Variants in CD244 observed in about 807,000 individuals in gnomAD.
CD244 encodes the protein natural killer cell receptor 2B4.
A neutral mutation model predicts 45.5 loss-of-function variants in CD244; 20 were observed. The ratio of observed to expected loss-of-function variants is 0.44; its 90% confidence interval spans 0.31 to 0.64. The LOEUF (loss-of-function observed/expected upper bound fraction) is 0.64. CD244 is among the 30% of genes least tolerant of loss of function. The probability of loss-of-function intolerance (pLI) is 0.08; values close to 1 mark genes in which losing one functional copy is unlikely to be tolerated. For missense variants in CD244, 407 were observed against 426.9 expected, an observed-to-expected ratio of 0.95 and a Z score of 0.41; for synonymous variants, 185 against 160.5, an observed-to-expected ratio of 1.15 and a Z score of -1.15.
At chr1:160,836,759 C>T in intron 5 of CD244, among the ~76,000 whole-genome samples, 1 of 152,268 alleles carries the variant, frequency 6.6e-6, no homozygotes. Flanking sequence ...AGCAGAGCTT[C>T]CTGCTTCCCT....
intron 1 of CD244, among the ~76,000 whole-genome samples, chr1:160,850,509 A>T (rs79975970): frequency 0.015 from 2,229 of 152,354 alleles, 47 homozygotes; most frequent in East Asian, 0.051. Flanking sequence ...GACATAGAAT[A>T]GCCAAGGCAA....
At position 160,832,499 on chromosome 1, in the gene CD244, GA is replaced by G; in HGVS notation, c.1017+19del. The G allele has an allele frequency of 6.6e-7, 1 of 1,507,488 alleles. No individual in the cohort carries two copies. The highest frequency in any genetic ancestry group is 9.1e-7 in the Non-Finnish European group (1 of 1,095,834). The allele number at this position is 1,507,488 out of a possible 1,614,324, so 93.4% of individuals were successfully genotyped here. On this transcript the variant is annotated intron_variant, in intron 8 of 8. Transcript: ENST00000368034. Reference sequence around the variant, plus strand: ...CTATGCAACAGACAGTAAACCCATTGAGGAGTTCCAGAATCTTACCACTTCA... The same window carrying G: ...CTATGCAACAGACAGTAAACCCATTGGGAGTTCCAGAATCTTACCACTTCA...
chr1:160,833,022 C>T (rs1197574874), intron 7 of CD244, among the ~76,000 whole-genome samples: 3 of 151,706 alleles, frequency 2.0e-5, no homozygotes, highest in African/African-American at 7.3e-5. Context: ...AATACTGCCC[C>T]AAACCATGTA....
chr1:160,862,688 C>G lies in CD244; in HGVS notation c.-11G>C. 2 of 1,613,410 alleles carry G rather than the reference C, an allele frequency of 1.2e-6. No individual in the cohort carries two copies. Among genetic ancestry groups the G allele is most frequent in the Non-Finnish European group, 1.7e-6 (2 of 1,179,652 alleles). On this transcript the variant is annotated 5_prime_UTR_variant, in exon 1 of 9. Transcript: ENST00000368034. ...CACTTGCCCCAGCATTTCCACAGGA[C>G]AGAGGGGCCAGGCCAGCCCCTCCAC...
At position 160,830,825 on chromosome 1, in the gene CD244, C is replaced by A. The variant is rs1331548671; in HGVS notation, c.*522G>T. The A allele has an allele frequency of 1.3e-5, 2 of 154,144 alleles. No individual in the cohort carries two copies. The highest frequency in any genetic ancestry group is 2.9e-5 in the Non-Finnish European group (2 of 69,284). The allele number at this position is 154,144 out of a possible 1,614,324, so 9.5% of individuals were successfully genotyped here. On this transcript the variant is annotated 3_prime_UTR_variant, in exon 9 of 9. Coordinates refer to ENST00000368034, the MANE Select transcript of CD244 (RefSeq NM_016382.4). ...AATTGAGTAAAGCCCAGGCCCTGGC[C>A]CCCACCCACGTGCAGAACCTGCCAG...
intron 1 of CD244, among the ~76,000 whole-genome samples, chr1:160,844,431 A>G (rs1286259705): frequency 3.9e-5 from 6 of 152,244 alleles, no homozygotes; most frequent in African/African-American, 1.4e-4. Context: ...GTGACTTTAC[A>G]GCTCCTTCTG....
At chr1:160,842,029 C>T (rs1442016726) in intron 1 of CD244, 128 bp from the exon 2 acceptor site, 3 of 667,556 alleles carry the variant, frequency 4.5e-6, no homozygotes, top group Non-Finnish European at 7.7e-6. Context: ...AACCTAGGAG[C>T]ACCTTAAAGC....
intron 1 of CD244, among the ~76,000 whole-genome samples, chr1:160,842,814 A>C (rs1306006942): frequency 6.6e-6 from 1 of 152,236 alleles, no homozygotes; most frequent in East Asian, 1.9e-4. Flanking sequence ...ATGAAACCTA[A>C]TGAATATGGG....
At chr1:160,838,579 T>G in intron 4 of CD244, 61 bp from the exon 5 acceptor site, 1 of 1,196,148 alleles carries the variant, frequency 8.4e-7, no homozygotes, top group Non-Finnish European at 1.3e-6. Flanking sequence ...CTTTTGCTTC[T>G]AACAGGTCCC....
rs1557849073 is a variant in CD244, at chr1:160,862,722, AC to A, written c.-46del. On this transcript the variant is annotated 5_prime_UTR_variant, in exon 1 of 9. Coordinates refer to ENST00000368034, the MANE Select transcript of CD244 (RefSeq NM_016382.4). ...CAGGCCAGCCCCTCCACCCCACCAG[AC>A]TCTCTGCCGTGCACGGGCTCAGCAG... 3 of 1,586,292 alleles carry A rather than the reference AC, an allele frequency of 1.9e-6. No homozygotes were observed. The highest frequency in any genetic ancestry group is 2.6e-6 in the Non-Finnish European group (3 of 1,157,748).
intron 1 of CD244, among the ~76,000 whole-genome samples, chr1:160,852,884 G>A (rs567050995): frequency 4.6e-5 from 7 of 152,118 alleles, no homozygotes; most frequent in Non-Finnish European, 8.8e-5. Context: ...TTAGCTGGGC[G>A]TGGCAGTGCA....
chr1:160,859,258 G>A (rs761893160), intron 1 of CD244, among the ~76,000 whole-genome samples: 4 of 152,182 alleles, frequency 2.6e-5, no homozygotes, highest in Non-Finnish European at 5.9e-5. Context: ...GGACCAGCAG[G>A]CAACATGGCT....
intron 7 of CD244, among the ~76,000 whole-genome samples, chr1:160,833,783 G>C (rs1296830782): frequency 6.6e-6 from 1 of 152,158 alleles, no homozygotes; most frequent in African/African-American, 2.4e-5. Flanking sequence ...GTCTCTGACT[G>C]TCCTTTACCT....
intron 1 of CD244, among the ~76,000 whole-genome samples, chr1:160,859,238 G>A (rs759644993): frequency 1.5e-4 from 23 of 152,162 alleles, no homozygotes; most frequent in Non-Finnish European, 2.9e-4. Flanking sequence ...ACAACAGAGA[G>A]CGAGGTCCAG....
Position 160,849,283 on chromosome 1 carries a change from C to CTTT in CD244, c.62-7385_62-7383dup, listed in dbSNP as rs371170555. On this transcript the variant is annotated intron_variant, in intron 1 of 8. Transcript: ENST00000368034. ...CATTCACATTTGTACCCATCTCTTT[C>CTTT]TTTTTTTTTTTTTTGTTTTACTTTA... Among the ~76,000 whole-genome samples the CTTT allele has an allele frequency of 1.0e-2, 1,391 of 139,304 alleles. 28 individuals are homozygous for CTTT. Among genetic ancestry groups the CTTT allele is most frequent in the African/African-American group, 0.032 (1,199 of 37,840 alleles). The allele number at this position is 139,304 out of a possible 152,430, so 91.4% of individuals were successfully genotyped here.
At chr1:160,838,838 A>G in intron 4 of CD244, 101 bp downstream of exon 4, 1 of 769,202 alleles carries the variant, frequency 1.3e-6, no homozygotes, top group Non-Finnish European at 2.1e-6. Flanking sequence ...GTTGAGGAAA[A>G]GGAGATGCTG....
chr1:160,853,250 A>G (rs1669982822), intron 1 of CD244, among the ~76,000 whole-genome samples: 1 of 152,242 alleles, frequency 6.6e-6, no homozygotes, highest in Admixed American at 6.5e-5. Flanking sequence ...AATGATGAGT[A>G]TTAATGAAGC....
intron 3 of CD244, among the ~76,000 whole-genome samples, chr1:160,840,490 T>C (rs1669499093): frequency 6.6e-6 from 1 of 151,876 alleles, no homozygotes; most frequent in Admixed American, 6.6e-5. Flanking sequence ...CTCAAACTCC[T>C]GACCTTGTGA....
intron 1 of CD244, among the ~76,000 whole-genome samples, chr1:160,852,788 C>T (rs551066583): frequency 4.0e-5 from 6 of 151,828 alleles, no homozygotes; most frequent in South Asian, 2.1e-4. Context: ...TTTGGGAGGT[C>T]GAGGCAGGCG....
Sources: gnomAD v4.1 joint callset for allele counts (sites outside exome capture counted in the v4.1 genomes callset) on GRCh38, gnomAD v4.1.1 for gene constraint, MANE v1.5 for transcripts, NCBI Gene and HGNC (gene_info 2026-07-23, HGNC 2026-07-21) for gene names.